The following PTPN14 variants were observed in gnomAD, a reference collection of about 807,000 sequenced individuals.
PTPN14 encodes the protein protein tyrosine phosphatase non-receptor type 14.
In PTPN14, 53 loss-of-function variants were observed where a neutral mutation model predicts 126.8. The observed-to-expected ratio is 0.42, with a 90% CI of 0.34 to 0.53. The LOEUF is 0.53. Ranked by LOEUF, PTPN14 falls within the 20% of genes least tolerant of loss-of-function variation. The pLI is 0.08. For synonymous variants in PTPN14, 630 were observed against 599.3 expected, an observed-to-expected ratio of 1.05 and a Z score of -0.75; for missense variants, 1,257 against 1,552.9, an observed-to-expected ratio of 0.81 and a Z score of 3.20.
intron 3 of PTPN14, among the ~76,000 whole-genome samples, chr1:214,424,931 T>C (rs768801739): frequency 1.3e-5 from 2 of 151,796 alleles, no homozygotes; most frequent in African/African-American, 2.4e-5. Flanking sequence ...AAAGATTTTA[T>C]GCATTTGTAA....
In PTPN14 at chr1:214,463,381, T is replaced by G. The variant is rs559910413; in HGVS notation, c.174+1249A>C. Reference sequence around the variant, plus strand: ...AACATTTCACATATTTATTCTACTGTGGCAGTTACCAAGCTACTAATACAT... The same window carrying G: ...AACATTTCACATATTTATTCTACTGGGGCAGTTACCAAGCTACTAATACAT... On this transcript the variant is annotated intron_variant, in intron 2 of 18. Transcript: ENST00000366956. Among the ~76,000 whole-genome samples, 5 of 152,318 alleles carry G rather than the reference T, an allele frequency of 3.3e-5. No homozygotes were observed. The East Asian group carries it at 9.6e-4, about 29-fold the overall frequency.
intron 3 of PTPN14, among the ~76,000 whole-genome samples, chr1:214,418,593 T>G (rs1470875674): frequency 6.6e-6 from 1 of 152,198 alleles, no homozygotes; most frequent in East Asian, 1.9e-4. Context: ...AAAGTGAAAA[T>G]AAAACACCAC....
chr1:214,372,652 A>T, intron 16 of PTPN14, 59 bp downstream of exon 16: 1 of 1,611,806 alleles, frequency 6.2e-7, no homozygotes, highest in Non-Finnish European at 8.5e-7. Context: ...CACAAAGCCC[A>T]TCTTCTGGCC....
At chr1:214,521,936 CTTTT>C (rs367888207) in intron 1 of PTPN14, among the ~76,000 whole-genome samples, 1 of 99,916 alleles carries the variant, frequency 1.0e-5, no homozygotes. Context: ...AAATCTGAAG[CTTTT>C]TTTTTTTTTT....
At chr1:214,491,563 TCTC>T (rs1339381334) in intron 1 of PTPN14, among the ~76,000 whole-genome samples, 1 of 152,058 alleles carries the variant, frequency 6.6e-6, no homozygotes, top group Non-Finnish European at 1.5e-5. Flanking sequence ...TAGGGTTCCT[TCTC>T]CTATGAGAAT....
In PTPN14 at chr1:214,514,300, A is replaced by G. The variant is rs559103354; in HGVS notation, c.-155+36883T>C. On this transcript the variant is annotated intron_variant, in intron 1 of 18. Transcript: ENST00000366956. ...GAAAGCCCTCAAACGCTCTACAAAG[A>G]TATCATGAAGCCACGACTATGATTT... Among the ~76,000 whole-genome samples the G allele has an allele frequency of 7.2e-5, 11 of 152,260 alleles. No individual in the cohort carries two copies. The South Asian group carries it at 2.3e-3, about 32-fold the overall frequency.
At chr1:214,533,112 C>A in intron 1 of PTPN14, 1 of 731,374 alleles carries the variant, frequency 1.4e-6, no homozygotes, top group South Asian at 1.4e-5. Flanking sequence ...ACCTGGACTC[C>A]ATGAAAAATC....
chr1:214,521,725 C>CCACACA lies in PTPN14; in HGVS notation c.-155+29452_-155+29457dup, dbSNP rs34671352. On this transcript the variant is annotated intron_variant, in intron 1 of 18. Coordinates refer to ENST00000366956, the MANE Select transcript of PTPN14 (RefSeq NM_005401.5). ...AGCGAAGCTCCATCTCAAAGCACAC[C>CCACACA]CACACACACACACACACACGAACAA... 4.4e-4 allele frequency among the ~76,000 whole-genome samples: 65 copies of CCACACA among 149,162 alleles called. No homozygotes were observed. The East Asian group carries it at 0.012, about 28-fold the overall frequency.
chr1:214,411,837 T>C, intron 4 of PTPN14, 86 bp from the exon 5 acceptor site: 1 of 712,064 alleles, frequency 1.4e-6, no homozygotes, highest in East Asian at 3.0e-5. Context: ...CACTACATTA[T>C]TCTTCACATT....
At chr1:214,508,854 T>A (rs1571632542) in intron 1 of PTPN14, among the ~76,000 whole-genome samples, 2 of 152,150 alleles carry the variant, frequency 1.3e-5, no homozygotes, top group East Asian at 3.9e-4. Flanking sequence ...TTCTTATACA[T>A]CTCCATCAGA....
At chr1:214,452,192 T>C (rs144483841) in intron 2 of PTPN14, among the ~76,000 whole-genome samples, 215 of 152,330 alleles carry the variant, frequency 1.4e-3, no homozygotes, top group African/African-American at 4.7e-3. Context: ...TCCCTACTCA[T>C]TACTACTGTT....
At chr1:214,433,374 TG>T (rs780283480) in intron 3 of PTPN14, among the ~76,000 whole-genome samples, 5 of 151,636 alleles carry the variant, frequency 3.3e-5, no homozygotes, top group East Asian at 1.9e-4. Flanking sequence ...CATGAGGAAG[TG>T]GGGGGCTCTG....
intron 1 of PTPN14, among the ~76,000 whole-genome samples, chr1:214,469,767 T>C (rs1660712436): frequency 1.4e-5 from 2 of 146,638 alleles, no homozygotes. Context: ...GGTTCAATAA[T>C]TGTAACCAAG....
chr1:214,403,765 T>G (rs951813583), intron 5 of PTPN14, among the ~76,000 whole-genome samples: 2 of 152,286 alleles, frequency 1.3e-5, no homozygotes, highest in South Asian at 2.1e-4. Context: ...AATGCATTCT[T>G]GAGAAATTGA....
chr1:214,354,223 T>A lies in PTPN14; in HGVS notation c.*3699A>T, dbSNP rs1471912267. On this transcript the variant is annotated 3_prime_UTR_variant, in exon 19 of 19. Transcript: ENST00000366956. ...TTTAGCTATAATTTTAAAAAGCGGT[T>A]CCTCTTCTCAATCTACAAAATTAAA... is the stretch of plus-strand genomic sequence containing the variant. The A allele has an allele frequency of 6.6e-6, 1 of 152,186 alleles. No homozygotes were observed. Among genetic ancestry groups the A allele is most frequent in the Non-Finnish European group, 1.5e-5 (1 of 68,042 alleles). The allele number at this position is 152,186 out of a possible 1,614,324, so 9.4% of individuals were successfully genotyped here.
intron 8 of PTPN14, among the ~76,000 whole-genome samples, chr1:214,395,588 AACAC>A (rs57357032): frequency 0.031 from 4,072 of 132,478 alleles, 129 homozygotes; most frequent in African/African-American, 0.073. Context: ...GGGACCCAAC[AACAC>A]ACACACACAC....
In PTPN14 at chr1:214,369,595, G is replaced by A; in HGVS notation, c.3133C>T (p.Arg1045Ter). ...GTTGCATAGCAAACAGAATCCGTTC[G>A]AAACTTCGTGGTGACCTTGAACTTG... The part of the protein sequence containing the change: ...YGKFKVTTKF[R>*]TDSVCYATTG... The change falls in exon 17 of 19, where the codon CGA (arginine) becomes TGA (stop). Residue 1045 changes from arginine to a stop codon, truncating the protein, a stop_gained. Transcript: ENST00000366956. LOFTEE classifies it high-confidence loss of function. The A allele has an allele frequency of 1.9e-6, 3 of 1,614,146 alleles. No individual in the cohort carries two copies. The highest frequency in any genetic ancestry group is 2.5e-6 in the Non-Finnish European group (3 of 1,180,036).
At chr1:214,539,765 A>C (rs1415564317) in intron 1 of PTPN14, among the ~76,000 whole-genome samples, 1 of 152,212 alleles carries the variant, frequency 6.6e-6, no homozygotes, top group Non-Finnish European at 1.5e-5. Flanking sequence ...ATATTAGTGC[A>C]TATTCACGGG....
chr1:214,431,455 A>C (rs1659795548), intron 3 of PTPN14, among the ~76,000 whole-genome samples: 1 of 152,222 alleles, frequency 6.6e-6, no homozygotes, highest in African/African-American at 2.4e-5. Context: ...CTGAGTCTTA[A>C]GAAGGATAAA....
Sources: gnomAD v4.1 joint callset for allele counts (sites outside exome capture counted in the v4.1 genomes callset) on GRCh38, gnomAD v4.1.1 for gene constraint, MANE v1.5 for transcripts, NCBI Gene and HGNC (gene_info 2026-07-23, HGNC 2026-07-21) for gene names.